Variants in KDM4C observed in about 807,000 individuals in gnomAD.
The protein encoded by KDM4C is lysine-specific demethylase 4C.
KDM4C carries 81 observed loss-of-function variants against 129.3 expected under a neutral mutation model. The ratio of observed to expected loss-of-function variants is 0.63; its 90% CI spans 0.52 to 0.75. KDM4C has a LOEUF of 0.75. Ranked by LOEUF, KDM4C falls within the 30% of genes least tolerant of loss-of-function variation. The pLI is 0.00. For missense variants in KDM4C, 1,457 were observed against 1,304.0 expected (o/e 1.12, Z -1.81); for synonymous variants, 573 against 456.1 (o/e 1.26, Z -3.26).
At chr9:6,854,915 A>G (rs543840798) in intron 5 of KDM4C, among the ~76,000 whole-genome samples, 1 of 152,308 alleles carries the variant, frequency 6.6e-6, no homozygotes. Flanking sequence ...TTGGGCAATT[A>G]TTAAATAACC....
chr9:6,825,324 C>T (rs147486124), intron 4 of KDM4C, among the ~76,000 whole-genome samples: 1 of 152,226 alleles, frequency 6.6e-6, no homozygotes, highest in East Asian at 1.9e-4. Context: ...GTCACAGACC[C>T]TCTGACAAGG....
intron 20 of KDM4C, 138 bp downstream of exon 20, chr9:7,165,495 A>G: frequency 1.0e-6 from 1 of 973,766 alleles, no homozygotes; most frequent in Non-Finnish European, 1.5e-6. Context: ...GCAAAGATTC[A>G]ATGTGTAATG....
At position 7,091,935 on chromosome 9, in the gene KDM4C, C is replaced by T. The variant is rs144890470; in HGVS notation, c.2425-11750C>T. ...CCTGGGCTCAGCACATGCTTCTCTG[C>T]GCTGTTTCCTGAAGTGTTATTTGTT... On this transcript the variant is annotated intron_variant, in intron 17 of 21. Transcript: ENST00000381309. Among the ~76,000 whole-genome samples the T allele has an allele frequency of 4.4e-3, 674 of 152,288 alleles. 3 individuals are homozygous for T. The highest frequency in any genetic ancestry group is 0.015 in the African/African-American group (642 of 41,558).
chr9:6,908,332 A>G (rs1201757889), intron 8 of KDM4C, among the ~76,000 whole-genome samples: 1 of 152,222 alleles, frequency 6.6e-6, no homozygotes, highest in Non-Finnish European at 1.5e-5. Flanking sequence ...TAATCTCTAC[A>G]TGTTACTTAG....
chr9:6,916,430 G>T (rs1327555204), intron 8 of KDM4C, among the ~76,000 whole-genome samples: 1 of 151,860 alleles, frequency 6.6e-6, no homozygotes, highest in Non-Finnish European at 1.5e-5. Context: ...CTTCCGAGCA[G>T]CTGGGACTTC....
intron 2 of KDM4C, among the ~76,000 whole-genome samples, chr9:6,803,994 T>C (rs935619280): frequency 2.9e-4 from 44 of 152,114 alleles, no homozygotes; most frequent in African/African-American, 1.1e-3. Flanking sequence ...GGATAATTTT[T>C]GTATTTTTAG....
chr9:7,068,686 C>CTTTTTTTTTTTTTTTTTTT (rs542039227), intron 17 of KDM4C, among the ~76,000 whole-genome samples: 1 of 101,766 alleles, frequency 9.8e-6, no homozygotes, highest in African/African-American at 3.9e-5. Context: ...GATGCCCTTT[C>CTTTTTTTTTTTTTTTTTTT]TTTTTTTTTT....
chr9:6,792,238 G>T (rs1189477052), intron 1 of KDM4C, among the ~76,000 whole-genome samples: 1 of 151,784 alleles, frequency 6.6e-6, no homozygotes, highest in Non-Finnish European at 1.5e-5. Context: ...AGCTACTGGG[G>T]AGGCTGAGGC....
At chr9:7,028,536 G>C (rs1301640195) in intron 15 of KDM4C, among the ~76,000 whole-genome samples, 1 of 151,770 alleles carries the variant, frequency 6.6e-6, no homozygotes, top group Admixed American at 6.6e-5. Context: ...ATTGAGCTCT[G>C]CTGCCTGAAA....
At chr9:6,998,562 G>T (rs1365671214) in intron 12 of KDM4C, among the ~76,000 whole-genome samples, 1 of 152,154 alleles carries the variant, frequency 6.6e-6, no homozygotes, top group Admixed American at 6.5e-5. Context: ...TTGGGAGGCC[G>T]AGGCAGGCGG....
chr9:6,959,072 G>A lies in KDM4C; in HGVS notation c.922-21853G>A, dbSNP rs1660499646. Among the ~76,000 whole-genome samples the A allele has an allele frequency of 2.0e-5, 3 of 152,120 alleles. No individual in the cohort carries two copies. In the South Asian group the frequency reaches 6.2e-4, roughly 32 times the overall value. The stretch of plus-strand genomic sequence containing the variant: ...CCTAGAATAAAACATTTATAGTCCT[G>A]CCCAAGTTTTCTCTTCCTTTTTCAG... On this transcript the variant is annotated intron_variant, in intron 8 of 21. Transcript: ENST00000381309.
chr9:6,832,264 C>T (rs182558058), intron 4 of KDM4C, among the ~76,000 whole-genome samples: 8,955 of 148,772 alleles, frequency 0.06, 359 homozygotes, highest in East Asian at 0.15. Context: ...GGTGTGAACC[C>T]GGGAGGCGGA....
chr9:6,844,048 G>A (rs1837435395), intron 4 of KDM4C, among the ~76,000 whole-genome samples: 1 of 151,970 alleles, frequency 6.6e-6, no homozygotes. Flanking sequence ...TATTGCCCAG[G>A]ATCGTCTCAA....
intron 17 of KDM4C, among the ~76,000 whole-genome samples, chr9:7,099,806 G>T (rs748176421): frequency 3.3e-5 from 5 of 152,332 alleles, no homozygotes; most frequent in African/African-American, 9.6e-5. Flanking sequence ...TTTTGGCTGG[G>T]TGATCAGCTC....
intron 8 of KDM4C, among the ~76,000 whole-genome samples, chr9:6,944,148 T>G (rs745432289): frequency 1.5e-4 from 23 of 152,224 alleles, no homozygotes; most frequent in Non-Finnish European, 2.8e-4. Flanking sequence ...TAAATGAAAT[T>G]AAATTATCTG....
rs1485317336 is a variant in KDM4C at position 6,879,223 on chromosome 9, AT to A, written c.630-787del. On this transcript the variant is annotated intron_variant, in intron 5 of 21. Transcript: ENST00000381309. ...AAACATGGAATGATTATTCAAATTT[AT>A]TGTTAATATCCTCATTAAATTTCCT... 3.3e-5 allele frequency among the ~76,000 whole-genome samples: 5 copies of A among 152,308 alleles called. No individual in the cohort carries two copies. The East Asian group carries it at 9.6e-4, about 29-fold the overall frequency.
chr9:6,862,634 C>G (rs1388263847), intron 5 of KDM4C, among the ~76,000 whole-genome samples: 1 of 152,092 alleles, frequency 6.6e-6, no homozygotes, highest in Non-Finnish European at 1.5e-5. Flanking sequence ...GAAACCCCAT[C>G]TCTACTAAAA....
At chr9:7,022,007 G>C (rs1377938708) in intron 15 of KDM4C, among the ~76,000 whole-genome samples, 1 of 152,148 alleles carries the variant, frequency 6.6e-6, no homozygotes, top group Non-Finnish European at 1.5e-5. Flanking sequence ...CTCTTCCACT[G>C]ATCTAAGTGT....
chr9:7,050,481 T>C (rs1490034721), intron 17 of KDM4C, among the ~76,000 whole-genome samples: 2 of 100,718 alleles, frequency 2.0e-5, no homozygotes, highest in Non-Finnish European at 4.7e-5. Context: ...ACAAAACGTT[T>C]GTAAGAATTA....
Sources: gnomAD v4.1 joint callset for allele counts (sites outside exome capture counted in the v4.1 genomes callset) on GRCh38, gnomAD v4.1.1 for gene constraint, MANE v1.5 for transcripts, NCBI Gene and HGNC (gene_info 2026-07-23, HGNC 2026-07-21) for gene names.